SPMIP2: variants seen among roughly 807,000 people sequenced by gnomAD.
SPMIP2 encodes protein SPMIP2.
the SPMIP2 span, among the ~76,000 whole-genome samples, chr4:158,929,974 G>GA: frequency 6.6e-6 from 1 of 152,192 alleles, no homozygotes; most frequent in East Asian, 1.9e-4. Context: ...GTCTGCTAGT[G>GA]AAAAAAATTC....
the SPMIP2 span, among the ~76,000 whole-genome samples, chr4:158,944,185 A>C: frequency 6.6e-6 from 1 of 151,704 alleles, no homozygotes; most frequent in Non-Finnish European, 1.5e-5. Flanking sequence ...TTTTTCAAAA[A>C]CCATGGCATG....
the SPMIP2 span, among the ~76,000 whole-genome samples, chr4:158,984,367 A>C: frequency 6.7e-6 from 1 of 149,138 alleles, no homozygotes; most frequent in African/African-American, 2.5e-5. Flanking sequence ...TCCAAAATTG[A>C]CCACATACTT....
chr4:158,961,463 C>T, the SPMIP2 span, among the ~76,000 whole-genome samples: 2 of 152,070 alleles, frequency 1.3e-5, no homozygotes, highest in African/African-American at 4.8e-5. Flanking sequence ...TCCATAGAAA[C>T]TTTGAACATA....
the SPMIP2 span, among the ~76,000 whole-genome samples, chr4:158,946,608 C>A: frequency 3.3e-5 from 5 of 152,180 alleles, no homozygotes; most frequent in African/African-American, 7.2e-5. Flanking sequence ...GAGGCCTCCC[C>A]AGCCATGCAG....
the SPMIP2 span, among the ~76,000 whole-genome samples, chr4:159,069,164 G>A: frequency 0.012 from 1,861 of 152,132 alleles, 37 homozygotes; most frequent in African/African-American, 0.042. Flanking sequence ...TTAGCCAGGC[G>A]TGGTGGTGGG....
the SPMIP2 span, among the ~76,000 whole-genome samples, chr4:158,989,580 A>G: frequency 6.6e-6 from 1 of 152,126 alleles, no homozygotes; most frequent in Non-Finnish European, 1.5e-5. Flanking sequence ...AACACCATAC[A>G]CCTACAACCA....
chr4:158,893,838 AATAAATTGTT>A, the SPMIP2 span: 1 of 645,858 alleles, frequency 1.5e-6, no homozygotes, highest in Non-Finnish European at 2.6e-6. Flanking sequence ...TTATCAAAGC[AATAAATTGTT>A]ATAGTTAATT....
the SPMIP2 span, chr4:158,960,160 T>C: frequency 1.6e-6 from 1 of 622,350 alleles, no homozygotes; most frequent in Non-Finnish European, 2.8e-6. Context: ...ATTCGTAAAT[T>C]TATCAAAAAC....
chr4:158,903,483 A>C, the SPMIP2 span, among the ~76,000 whole-genome samples: 1 of 152,074 alleles, frequency 6.6e-6, no homozygotes, highest in Non-Finnish European at 1.5e-5. Flanking sequence ...CAAGGGCTTT[A>C]CCCCATCCTT....
At chr4:159,016,809 G>A in the SPMIP2 span, among the ~76,000 whole-genome samples, 11 of 152,278 alleles carry the variant, frequency 7.2e-5, no homozygotes, top group African/African-American at 2.4e-4. Flanking sequence ...AATGCATTCC[G>A]TTTCAGTTGT....
At chr4:158,973,491 T>C in the SPMIP2 span, among the ~76,000 whole-genome samples, 5 of 152,310 alleles carry the variant, frequency 3.3e-5, no homozygotes, top group East Asian at 9.6e-4. Flanking sequence ...TTAATAATTC[T>C]TATTAATGCT....
the SPMIP2 span, among the ~76,000 whole-genome samples, chr4:158,898,144 T>C: frequency 6.6e-6 from 1 of 152,120 alleles, no homozygotes; most frequent in Admixed American, 6.5e-5. Context: ...GATCAGATGG[T>C]TGTAGATGTG....
chr4:159,034,459 G>A, the SPMIP2 span, among the ~76,000 whole-genome samples: 1 of 152,202 alleles, frequency 6.6e-6, no homozygotes, highest in Non-Finnish European at 1.5e-5. Context: ...AACCATAAAA[G>A]CTATGCTAAT....
chr4:159,004,634 AGATTCCTAGCCTG>A, the SPMIP2 span, among the ~76,000 whole-genome samples: 1,731 of 152,236 alleles, frequency 0.011, 29 homozygotes, highest in African/African-American at 0.039. Flanking sequence ...ATGAGTTCCT[AGATTCCTAGCCTG>A]GGTAGACTTT....
At chr4:159,041,743 G>A in the SPMIP2 span, among the ~76,000 whole-genome samples, 4 of 152,198 alleles carry the variant, frequency 2.6e-5, no homozygotes, top group African/African-American at 9.6e-5. Flanking sequence ...TTAATTTTCT[G>A]GTGAAGCCTT....
At chr4:158,930,044 A>G in the SPMIP2 span, among the ~76,000 whole-genome samples, 1 of 152,234 alleles carries the variant, frequency 6.6e-6, no homozygotes, top group Non-Finnish European at 1.5e-5. Context: ...GCATAAAAGC[A>G]TAGTATTCCT....
the SPMIP2 span, among the ~76,000 whole-genome samples, chr4:159,067,988 G>A: frequency 7.9e-5 from 12 of 152,260 alleles, no homozygotes; most frequent in South Asian, 1.5e-3. Context: ...TTAGAATGGC[G>A]ATCATTAAAA....
the SPMIP2 span, among the ~76,000 whole-genome samples, chr4:159,033,832 T>C: frequency 6.6e-6 from 1 of 152,132 alleles, no homozygotes; most frequent in Non-Finnish European, 1.5e-5. Context: ...TTGTAAAATA[T>C]GCTCACACTT....
the SPMIP2 span, among the ~76,000 whole-genome samples, chr4:158,903,528 T>C: frequency 6.6e-6 from 1 of 152,190 alleles, no homozygotes; most frequent in African/African-American, 2.4e-5. Flanking sequence ...CGTGTAATCA[T>C]AAGCTTTTAT....
Sources: gnomAD v4.1 joint callset for allele counts (sites outside exome capture counted in the v4.1 genomes callset) on GRCh38, gnomAD v4.1.1 for gene constraint, MANE v1.5 for transcripts, NCBI Gene and HGNC (gene_info 2026-07-23, HGNC 2026-07-21) for gene names.